Variants in GSE1 observed in about 807,000 individuals in gnomAD.
The protein encoded by GSE1 is Gse1 coiled-coil protein.
A neutral mutation model predicts 112.6 loss-of-function variants in GSE1; 32 were observed. That is an observed-to-expected ratio of 0.28 (90% CI 0.21 to 0.38). GSE1 has a LOEUF of 0.38. GSE1 is among the 10% of genes least tolerant of loss of function. The pLI, the probability that GSE1 is intolerant of heterozygous loss-of-function variation, is 1.00. For synonymous variants in GSE1, 1,115 were observed against 735.6 expected, an observed-to-expected ratio of 1.52 and a Z score of -8.35; for missense variants, 2,348 against 1,699.2, an observed-to-expected ratio of 1.38 and a Z score of -6.71.
intron 2 of GSE1, among the ~76,000 whole-genome samples, chr16:85,517,496 C>T (rs573716618): frequency 6.6e-6 from 1 of 152,288 alleles, no homozygotes; most frequent in East Asian, 1.9e-4. Context: ...GGGCCTCAGC[C>T]CAGAAGCTTC....
chr16:85,510,295 G>A (rs923564152), intron 2 of GSE1, among the ~76,000 whole-genome samples: 1 of 152,234 alleles, frequency 6.6e-6, no homozygotes, highest in Non-Finnish European at 1.5e-5. Flanking sequence ...GTGAGGCCCA[G>A]CACGAAAGAC....
chr16:85,592,662 A>G (rs997224185), intron 1 of GSE1: 6 of 152,146 alleles, frequency 3.9e-5, no homozygotes, highest in Non-Finnish European at 5.9e-5. Flanking sequence ...ATCGGTTTTT[A>G]TGTTTAACTT....
At chr16:85,337,767 A>G (rs938336989) in intron 1 of GSE1, among the ~76,000 whole-genome samples, 2 of 152,194 alleles carry the variant, frequency 1.3e-5, no homozygotes, top group East Asian at 1.9e-4. Flanking sequence ...CTGGTTGTCC[A>G]GGTCTCAGCA....
intron 1 of GSE1, among the ~76,000 whole-genome samples, chr16:85,325,640 C>T (rs899176269): frequency 1.1e-4 from 16 of 151,718 alleles, no homozygotes; most frequent in African/African-American, 2.9e-4. Context: ...TTAGTAGAGA[C>T]GGCATTTCAC....
At chr16:85,404,313 T>C (rs2048203550) in intron 2 of GSE1, among the ~76,000 whole-genome samples, 1 of 71,350 alleles carries the variant, frequency 1.4e-5, no homozygotes, top group Non-Finnish European at 2.7e-5. Context: ...CGGATAATCC[T>C]CACTCTTACA....
Position 85,663,547 on chromosome 16 carries a change from C to A in GSE1, c.2577C>A (p.Asn859Lys). Residue 859 changes from asparagine (N) to lysine (K), a missense_variant, in exon 11 of 16, where the codon AAC becomes AAA. By Grantham distance (94) the Asn-to-Lys change is moderately conservative. Transcript: ENST00000253458. The part of the protein sequence containing the change: ...YSPDEMNNSP[N>K]FEEKKKFLTI... The stretch of plus-strand genomic sequence containing the variant: ...CTGATGAGATGAACAACAGTCCCAA[C>A]TTCGAAGAAAAGAAGAAGTTCCTGA... 6.2e-7 allele frequency: 1 copy of A among 1,614,006 alleles called. No homozygotes were observed. The highest frequency in any genetic ancestry group is 1.1e-5 in the South Asian group (1 of 91,074).
intron 1 of GSE1, among the ~76,000 whole-genome samples, chr16:85,621,468 G>A (rs1248825651): frequency 1.5e-4 from 23 of 152,194 alleles, no homozygotes; most frequent in Admixed American, 1.0e-3. Flanking sequence ...CAGTCTTATC[G>A]TTTTACAACG....
At chr16:85,318,072 G>A (rs1055837349) in intron 1 of GSE1, among the ~76,000 whole-genome samples, 38 of 152,206 alleles carry the variant, frequency 2.5e-4, no homozygotes, top group Admixed American at 5.9e-4. Context: ...GGAGGAGGCC[G>A]TCCCATGGTG....
At chr16:85,334,225 A>G (rs2046435708) in intron 1 of GSE1, among the ~76,000 whole-genome samples, 1 of 152,206 alleles carries the variant, frequency 6.6e-6, no homozygotes, top group South Asian at 2.1e-4. Flanking sequence ...ACCTTGCAGG[A>G]GTCGAGCTGG....
In GSE1 at chr16:85,586,087, G is replaced by A. The variant is rs145157929; in HGVS notation, c.37+29724G>A. Among the ~76,000 whole-genome samples the A allele has an allele frequency of 1.9e-3, 292 of 152,270 alleles. 1 individual carries two copies. The highest frequency in any genetic ancestry group is 0.012 in the East Asian group (64 of 5,186). ...GCAGGCCTCTCTCCCCTACTTGGCCGTCCGTTCCCTGTGTCTCTTCGCATC... is the reference window on the plus strand; with the variant it reads ...GCAGGCCTCTCTCCCCTACTTGGCCATCCGTTCCCTGTGTCTCTTCGCATC... On this transcript the variant is annotated intron_variant, in intron 1 of 2. Transcript: ENST00000635906.
chr16:85,397,376 A>G (rs553807224), intron 2 of GSE1, among the ~76,000 whole-genome samples: 1 of 152,198 alleles, frequency 6.6e-6, no homozygotes. Flanking sequence ...GCAGGTGCTG[A>G]GCCGTCTCCT....
Position 85,478,920 on chromosome 16 carries a change from TTTCTTTC to T in GSE1, c.2464+121279_2464+121285del, listed in dbSNP as rs1567520845. Among the ~76,000 whole-genome samples the T allele has an allele frequency of 1.3e-3, 73 of 54,888 alleles. 1 individual carries two copies. Among genetic ancestry groups the T allele is most frequent in the African/African-American group, 1.6e-3 (14 of 8,622 alleles). The allele number at this position is 54,888 out of a possible 152,430, so 36.0% of individuals were successfully genotyped here. A position where few individuals can be genotyped will look rare whatever the true frequency, so the allele number is the denominator to read the frequency against. On this transcript the variant is annotated intron_variant, in intron 2 of 2. Coordinates refer to the GSE1 transcript ENST00000637419. ...CTTTCTTTCTTTCTTTCTTTCTTTC[TTTCTTTC>T]TCTTTCTTTCTTTCTTTCTTTTTTT...
chr16:85,342,098 C>T (rs991122002), intron 1 of GSE1, among the ~76,000 whole-genome samples: 3 of 152,022 alleles, frequency 2.0e-5, no homozygotes, highest in Admixed American at 6.5e-5. Context: ...CCATCACTGC[C>T]ACCTCCCTGA....
intron 2 of GSE1, among the ~76,000 whole-genome samples, chr16:85,646,865 G>T (rs867783111): frequency 6.7e-6 from 1 of 148,882 alleles, no homozygotes; most frequent in Non-Finnish European, 1.5e-5. Flanking sequence ...CTCTGGTCTC[G>T]GTCACGGGGG....
chr16:85,474,705 C>T (rs1384810569), intron 2 of GSE1, among the ~76,000 whole-genome samples: 2 of 150,100 alleles, frequency 1.3e-5, no homozygotes, highest in African/African-American at 4.9e-5. Context: ...TGCCCCTTCC[C>T]CTCCTCCCTC....
intron 1 of GSE1, among the ~76,000 whole-genome samples, chr16:85,331,599 G>GTGTATA (rs2046364231): frequency 7.5e-6 from 1 of 132,456 alleles, no homozygotes. Context: ...ATGTGTATAT[G>GTGTATA]TGTATTTGTG....
intron 1 of GSE1, among the ~76,000 whole-genome samples, chr16:85,578,379 C>T (rs1202181172): frequency 6.6e-6 from 1 of 152,240 alleles, no homozygotes; most frequent in Non-Finnish European, 1.5e-5. Context: ...AGGCACAAGT[C>T]ACTGGGCCTT....
chr16:85,552,468 A>C (rs2044971715), upstream of GSE1, among the ~76,000 whole-genome samples: 2 of 124,248 alleles, frequency 1.6e-5, 1 homozygote, highest in Non-Finnish European at 3.6e-5. Context: ...AGTAGCTGGG[A>C]CTACAGGCGC....
chr16:85,441,988 C>T (rs1426984033), intron 2 of GSE1, among the ~76,000 whole-genome samples: 1 of 152,212 alleles, frequency 6.6e-6, no homozygotes, highest in African/African-American at 2.4e-5. Context: ...TGGCTTCTAG[C>T]GGCCTTGTCC....
Sources: allele counts gnomAD v4.1 joint callset (sites outside exome capture counted in the v4.1 genomes callset), GRCh38; gene constraint gnomAD v4.1.1; transcripts MANE v1.5; gene names NCBI Gene and HGNC (gene_info 2026-07-23, HGNC 2026-07-21).